MSH5: variants seen among roughly 807,000 people sequenced by gnomAD.
MSH5 encodes the protein mutS protein homolog 5.
Under a neutral mutation model 107.7 loss-of-function variants are expected in MSH5, and 78 were observed. The observed-to-expected ratio is 0.72, with a 90% CI of 0.60 to 0.87. The LOEUF (loss-of-function observed/expected upper bound fraction) is 0.87. MSH5 is among the 40% of genes least tolerant of loss of function. The pLI, the probability that MSH5 is intolerant of heterozygous loss-of-function variation, is 0.00. For synonymous variants in MSH5, 326 were observed against 399.5 expected (o/e 0.82, Z 2.19); for missense variants, 889 against 1,046.6 (o/e 0.85, Z 2.08).
Position 31,741,366 on chromosome 6 carries a change from CACACACACACACACACAT to C in MSH5, c.271+82_271+99del, listed in dbSNP as rs1341943855. The C allele has an allele frequency of 1.4e-4, 176 of 1,289,262 alleles. 2 individuals carry two copies. The highest frequency in any genetic ancestry group is 1.1e-3 in the Middle Eastern group (4 of 3,652). 79.9% of individuals were successfully genotyped at this position (1,289,262 alleles called of 1,614,324 possible). ...ACACACACACACACACACACACACA[CACACACACACACACACAT>C]ATTTTTTTTTTCTAGACAGAGTCTT... On this transcript the variant is annotated intron_variant, in intron 3 of 24. Transcript: ENST00000375750.
chr6:31,759,200 G>A lies in MSH5; in HGVS notation c.1407+23G>A, dbSNP rs945349511. ...ATGGTAAGACCCTCAACCTCTGTAAGGTGAGTGATGAGGAAAATGAGTCAG... is the reference window on the plus strand; with the variant it reads ...ATGGTAAGACCCTCAACCTCTGTAAAGTGAGTGATGAGGAAAATGAGTCAG... On this transcript the variant is annotated intron_variant, in intron 16 of 24. Coordinates refer to ENST00000375750, the MANE Select transcript of MSH5 (RefSeq NM_172166.4). The surrounding 1 kb of genome is among the most constrained non-coding windows in gnomAD (Gnocchi z 4.7). 6.2e-7 allele frequency: 1 copy of A among 1,602,678 alleles called. No individual in the cohort carries two copies. The highest frequency in any genetic ancestry group is 8.5e-7 in the Non-Finnish European group (1 of 1,170,940).
chr6:31,755,335 TGC>T (rs1810353407), intron 12 of MSH5, among the ~76,000 whole-genome samples: 2 of 133,728 alleles, frequency 1.5e-5, no homozygotes, highest in Non-Finnish European at 3.2e-5. Flanking sequence ...ATTTTTTGCT[TGC>T]ATTTATTTAT....
In MSH5 at chr6:31,742,698, T is replaced by G. The variant is rs371823927; in HGVS notation, c.272-179T>G. Among the ~76,000 whole-genome samples the G allele has an allele frequency of 2.6e-5, 4 of 152,132 alleles. No individual in the cohort carries two copies. In the East Asian group the frequency reaches 7.7e-4, roughly 29 times the overall value. On this transcript the variant is annotated intron_variant, in intron 3 of 24. Coordinates refer to ENST00000375750, the MANE Select transcript of MSH5 (RefSeq NM_172166.4). Reference sequence around the variant, plus strand: ...CACTTCCCTCTCACCATCCCACCACTCTTAACTACTTTTCTAAATCTCAAC... The same window carrying G: ...CACTTCCCTCTCACCATCCCACCACGCTTAACTACTTTTCTAAATCTCAAC...
Position 31,759,095 on chromosome 6 carries a change from A to C in MSH5, c.1327-2A>C, listed in dbSNP as rs1219104948. The C allele has an allele frequency of 6.2e-7, 1 of 1,612,606 alleles. No individual in the cohort carries two copies. The highest frequency in any genetic ancestry group is 8.5e-7 in the Non-Finnish European group (1 of 1,179,662). ...AGAGTATCTCCTCTTTACTCTCCCC[A>C]GATTGGCTTCCTTCTTTCTATTCCC... is the stretch of plus-strand genomic sequence containing the variant. On this transcript the variant is annotated splice_acceptor_variant, in intron 15 of 24. Coordinates refer to ENST00000375750, the MANE Select transcript of MSH5 (RefSeq NM_172166.4). LOFTEE classifies it high-confidence loss of function. This position sits in a 1 kb window ranked among gnomAD's most constrained non-coding sequence, Gnocchi z 4.7.
At position 31,760,239 on chromosome 6, in the gene MSH5, G is replaced by A; in HGVS notation, c.1812+23G>A. 1 of 1,557,684 alleles carries A rather than the reference G, an allele frequency of 6.4e-7. No individual in the cohort carries two copies. The highest frequency in any genetic ancestry group is 8.7e-7 in the Non-Finnish European group (1 of 1,155,726). On this transcript the variant is annotated intron_variant, in intron 19 of 24. Transcript: ENST00000375750. This position sits in a 1 kb window ranked among gnomAD's most constrained non-coding sequence, Gnocchi z 5.6. Reference sequence around the variant, plus strand: ...CAGGTGAGGAGAAGCCCTGCAGCCTGGGCCTCTGGCGTCTCCTGCATCTAC... The same window carrying A: ...CAGGTGAGGAGAAGCCCTGCAGCCTAGGCCTCTGGCGTCTCCTGCATCTAC...
chr6:31,751,439 C>T (rs1809950648), intron 10 of MSH5: 1 of 151,808 alleles, frequency 6.6e-6, no homozygotes, highest in African/African-American at 2.4e-5. Context: ...AGTTTGAGAC[C>T]AGGCTGGCCA....
At position 31,745,472 on chromosome 6, in the gene MSH5, C is replaced by T. The variant is rs373966851; in HGVS notation, c.766+153C>T. Among the ~76,000 whole-genome samples, 14 of 152,188 alleles carry T rather than the reference C, an allele frequency of 9.2e-5. No individual in the cohort carries two copies. The East Asian group carries it at 1.9e-3, about 21-fold the overall frequency. ...AAATTTCTTACCTATTTGTACCCCC[C>T]GCCCCCCAAGCTTGAGCATCTTCCC... On this transcript the variant is annotated intron_variant, in intron 9 of 24. Transcript: ENST00000375750.
intron 5 of MSH5, among the ~76,000 whole-genome samples, chr6:31,743,684 A>G (rs1809125563): frequency 6.6e-6 from 1 of 152,214 alleles, no homozygotes; most frequent in Admixed American, 6.5e-5. Flanking sequence ...TATCTTTCTC[A>G]GGCTGTGCTT....
In MSH5 at chr6:31,744,310, C is replaced by T. The variant is rs750011177; in HGVS notation, c.647+11C>T. ...TAAGAAATTTATGTTGTAGGTGATT[C>T]ACCCCAACCCCAACCAAAGTAATGT... On this transcript the variant is annotated intron_variant, in intron 7 of 24. Transcript: ENST00000375750. 1 of 1,613,994 alleles carries T rather than the reference C, an allele frequency of 6.2e-7. No individual in the cohort carries two copies. Among genetic ancestry groups the T allele is most frequent in the East Asian group, 2.2e-5 (1 of 44,888 alleles).
chr6:31,745,387 G>A, intron 9 of MSH5, 68 bp downstream of exon 9: 1 of 1,095,386 alleles, frequency 9.1e-7, no homozygotes, highest in Non-Finnish European at 1.4e-6. Flanking sequence ...CTCCAAAGAT[G>A]TGTCCCAGCC....
chr6:31,761,207 A>G lies in MSH5; in HGVS notation c.1982A>G (p.Asn661Ser). The change falls in exon 21 of 25, where the codon AAT becomes AGT. Residue 661 changes from asparagine (N) to serine (S), a missense_variant. Asn to Ser is a conservative substitution (Grantham distance 46, BLOSUM62 1). Transcript: ENST00000375750. This position sits in a 1 kb window ranked among gnomAD's most constrained non-coding sequence, Gnocchi z 5.3. ...DLNQVAKAVN[N>S]ATAQSLVLID... ...CAGCAGGTGGCGAAAGCAGTGAACA[A>G]TGCCACTGCACAGTCGCTGGTCCTT... The G allele has an allele frequency of 5.0e-6, 8 of 1,613,998 alleles. No individual in the cohort carries two copies. Among genetic ancestry groups the G allele is most frequent in the Non-Finnish European group, 6.8e-6 (8 of 1,180,010 alleles).
chr6:31,749,072 T>C (rs1165620557), intron 10 of MSH5, among the ~76,000 whole-genome samples: 3 of 151,850 alleles, frequency 2.0e-5, no homozygotes. Flanking sequence ...CCCACCACCA[T>C]GCCTGGCTAA....
chr6:31,759,944 C>T lies in MSH5; in HGVS notation c.1654C>T (p.Gln552Ter). Residue 552 changes from glutamine (Q) to a stop codon, truncating the protein, a stop_gained, in exon 18 of 25, where the codon CAA becomes TAA. Coordinates refer to ENST00000375750, the MANE Select transcript of MSH5 (RefSeq NM_172166.4). LOFTEE classifies it high-confidence loss of function. The surrounding 1 kb of genome is among the most constrained non-coding windows in gnomAD (Gnocchi z 4.7). ...CTACTCAAGGCCGCGTTACTCCCCA[C>T]AAGTCCTTGGGGTACGAATCCAGAA... is the stretch of plus-strand genomic sequence containing the variant. ...YGYSRPRYSP[Q>*]VLGVRIQNGR... 3 of 1,614,224 alleles carry T rather than the reference C, an allele frequency of 1.9e-6. No individual in the cohort carries two copies. The highest frequency in any genetic ancestry group is 1.7e-6 in the Non-Finnish European group (2 of 1,180,026).
At chr6:31,757,901 C>T (rs1164508889) in intron 12 of MSH5, 4 of 518,350 alleles carry the variant, frequency 7.7e-6, no homozygotes, top group Non-Finnish European at 1.4e-5. Context: ...AACTCCTGAC[C>T]TCAGGTGATC....
In MSH5 at chr6:31,758,507, A is replaced by G; in HGVS notation, c.1144-41A>G. The stretch of plus-strand genomic sequence containing the variant: ...CCCAAGGAGAGCTGAGGAACAGGAC[A>G]GAGGGTGCCAGGTCCTAAGAAACAG... On this transcript the variant is annotated intron_variant, in intron 13 of 24. Transcript: ENST00000375750. The surrounding 1 kb of genome is among the most constrained non-coding windows in gnomAD (Gnocchi z 5.1). 1 of 1,606,238 alleles carries G rather than the reference A, an allele frequency of 6.2e-7. No individual in the cohort carries two copies. Among genetic ancestry groups the G allele is most frequent in the Non-Finnish European group, 8.5e-7 (1 of 1,173,922 alleles).
At chr6:31,749,875 A>G (rs1489842041) in intron 10 of MSH5, among the ~76,000 whole-genome samples, 1 of 152,194 alleles carries the variant, frequency 6.6e-6, no homozygotes, top group Admixed American at 6.5e-5. Flanking sequence ...TGCTAGCCTC[A>G]GGTGCACAAT....
intron 7 of MSH5, 74 bp downstream of exon 7, chr6:31,744,373 T>A: frequency 6.3e-7 from 1 of 1,593,388 alleles, no homozygotes; most frequent in Non-Finnish European, 8.6e-7. Flanking sequence ...GGGGGTGGGG[T>A]GTGGATGTGG....
At chr6:31,745,102 TCAAA>T (rs1562222237) in intron 8 of MSH5, 131 bp from the exon 9 acceptor site, 1 of 464,270 alleles carries the variant, frequency 2.2e-6, no homozygotes, top group Non-Finnish European at 3.6e-6. Flanking sequence ...AGACTCCATC[TCAAA>T]AAAAAAAAAA....
chr6:31,750,557 C>T (rs1809860030), intron 10 of MSH5, among the ~76,000 whole-genome samples: 1 of 152,210 alleles, frequency 6.6e-6, no homozygotes, highest in South Asian at 2.1e-4. Context: ...TTTGGTTTAA[C>T]TAAAGTCTCT....
Sources: gnomAD v4.1 joint callset for allele counts (sites outside exome capture counted in the v4.1 genomes callset) on GRCh38, gnomAD v4.1.1 for gene constraint, Gnocchi (gnomAD v3.1) non-coding constraint, MANE v1.5 for transcripts, NCBI Gene and HGNC (gene_info 2026-07-23, HGNC 2026-07-21) for gene names.